The following NOTCH4 variants were observed in gnomAD, a reference collection of about 807,000 sequenced individuals.
NOTCH4 encodes notch receptor 4.
Under a neutral mutation model 189.0 loss-of-function variants are expected in NOTCH4, and 138 were observed. The ratio of observed to expected loss-of-function variants is 0.73; its 90% confidence interval spans 0.64 to 0.84. NOTCH4 has a LOEUF of 0.84. Among genes scored for constraint, NOTCH4 ranks in the 40% least tolerant of loss-of-function variants. The probability of loss-of-function intolerance (pLI) is 0.00; values close to 1 mark genes in which losing one functional copy is unlikely to be tolerated. For synonymous variants in NOTCH4, 942 were observed against 1,032.8 expected, an observed-to-expected ratio of 0.91 and a Z score of 1.69; for missense variants, 2,286 against 2,605.4, an observed-to-expected ratio of 0.88 and a Z score of 2.67.
Position 32,222,639 on chromosome 6 carries a change from C to G in NOTCH4, c.323G>C (p.Gly108Ala), listed in dbSNP as rs2127490821. 6.2e-7 allele frequency: 1 copy of G among 1,606,742 alleles called. No individual in the cohort carries two copies. Among genetic ancestry groups the G allele is most frequent in the Non-Finnish European group, 8.5e-7 (1 of 1,177,680 alleles). ...TPSFLCTCLP[G>A]FTGERCQAKL... ...GGCCTGGCATCTCTCACCAGTGAAG[C>G]CAGGGAGGCAAGTGCACAAGAAGCT... Residue 108 changes from glycine (G) to alanine (A), a missense_variant, in exon 3 of 30, where the codon GGC becomes GCC. Transcript: ENST00000375023.
chr6:32,202,223 C>A lies in NOTCH4; in HGVS notation c.3608G>T (p.Cys1203Phe), dbSNP rs1240663617. Residue 1203 changes from cysteine to phenylalanine, a missense_variant, in exon 21 of 30, where the codon TGC becomes TTC. Physicochemically the swap from Cys to Phe is radical, Grantham distance 205. This residue lies in a region of NOTCH4 where 1,903 missense variants were observed against 2,261.9 expected (regional missense o/e 0.84). Coordinates refer to ENST00000375023, the MANE Select transcript of NOTCH4 (RefSeq NM_004557.4). The surrounding 1 kb of genome is among the most constrained non-coding windows in gnomAD (Gnocchi z 5.7). ...CCAGGGGTCTGGGACTCCCAGAGAG[C>A]AGTCCCCTCCATCCCAGTTTCCTCC... ...GPGGNWDGGD[C>F]SLGVPDPWKG... 6.4e-7 allele frequency: 1 copy of A among 1,551,524 alleles called. No homozygotes were observed. Among genetic ancestry groups the A allele is most frequent in the Admixed American group, 1.9e-5 (1 of 52,020 alleles).
chr6:32,211,258 TCAAACAAACAAA>T (rs56957733), intron 17 of NOTCH4, among the ~76,000 whole-genome samples: 2 of 145,956 alleles, frequency 1.4e-5, no homozygotes, highest in Non-Finnish European at 3.0e-5. Flanking sequence ...AGACTCCATC[TCAAACAAACAAA>T]CAAACAAACA....
intron 1 of NOTCH4, 99 bp downstream of exon 1, chr6:32,223,757 A>G (rs1789945391): frequency 5.9e-6 from 7 of 1,194,740 alleles, no homozygotes; most frequent in Non-Finnish European, 7.1e-6. Context: ...TCCATCCAGC[A>G]TCCCTCACAC....
Position 32,210,973 on chromosome 6 carries a change from G to A in NOTCH4, c.2681-37C>T, listed in dbSNP as rs745360000. On this transcript the variant is annotated intron_variant, in intron 17 of 29. Coordinates refer to ENST00000375023, the MANE Select transcript of NOTCH4 (RefSeq NM_004557.4). The surrounding 1 kb of genome is among the most constrained non-coding windows in gnomAD (Gnocchi z 4.8). ...GACAAACAGGGATATACAAAGATAA[G>A]TGGGGGGCCGGGCGCCATGGCTTAC... 3.1e-5 allele frequency: 47 copies of A among 1,529,518 alleles called. No homozygotes were observed. Among genetic ancestry groups the A allele is most frequent in the Non-Finnish European group, 3.9e-5 (44 of 1,139,506 alleles). 94.7% of individuals were successfully genotyped at this position (1,529,518 alleles called of 1,614,324 possible).
chr6:32,211,751 A>G (rs1185923441), intron 17 of NOTCH4, among the ~76,000 whole-genome samples: 1 of 152,192 alleles, frequency 6.6e-6, no homozygotes. Context: ...TCTGGGCCCA[A>G]GGAGTTAATA....
In NOTCH4 at chr6:32,196,148, C is replaced by T. The variant is rs765689564; in HGVS notation, c.5301G>A (p.Glu1767=). The part of the protein sequence containing the change: ...GADKDAQDNR[E]QTPLFLAARE... ...GCGCCGCCAGGAATAGCGGCGTCTG[C>T]TCCTGTACAGAAGAGCCAGGGCCGA... Residue 1767 remains glutamate, a splice_region_variant and synonymous_variant, in exon 30 of 30, where the codon GAG becomes GAA. Transcript: ENST00000375023. The T allele has an allele frequency of 6.3e-7, 1 of 1,590,260 alleles. No homozygotes were observed. The highest frequency in any genetic ancestry group is 8.5e-7 in the Non-Finnish European group (1 of 1,174,568).
chr6:32,206,253 T>C (rs902428261), intron 18 of NOTCH4, among the ~76,000 whole-genome samples: 4 of 152,054 alleles, frequency 2.6e-5, no homozygotes, highest in Non-Finnish European at 5.9e-5. Flanking sequence ...GGCATCCAAA[T>C]TGCAAAAGAA....
chr6:32,208,048 A>T (rs1168434363), intron 18 of NOTCH4, among the ~76,000 whole-genome samples: 1 of 151,772 alleles, frequency 6.6e-6, no homozygotes, highest in South Asian at 2.1e-4. Flanking sequence ...GCTTCAAGAC[A>T]TTGGTCTGGG....
In NOTCH4 at chr6:32,195,850, C is replaced by A. The variant is rs1432740588; in HGVS notation, c.5599G>T (p.Gly1867Ter). ...GCTCCGCCCCCACGAGGGCCTGCTCCGGCTGACAGCGTCCGGCAGCGCGGC... is the reference window on the plus strand; with the variant it reads ...GCTCCGCCCCCACGAGGGCCTGCTCAGGCTGACAGCGTCCGGCAGCGCGGC... ...ALPRCRTLSA[G>*]AGPRGGGACL... The change falls in exon 30 of 30, where the codon GGA becomes TGA. Residue 1867 changes from glycine (G) to a stop codon, truncating the protein, a stop_gained. Coordinates refer to ENST00000375023, the MANE Select transcript of NOTCH4 (RefSeq NM_004557.4). LOFTEE classifies it low-confidence loss of function (END_TRUNC). This position sits in a 1 kb window ranked among gnomAD's most constrained non-coding sequence, Gnocchi z 5.4. 16 of 1,596,528 alleles carry A rather than the reference C, an allele frequency of 1.0e-5. No homozygotes were observed. The highest frequency in any genetic ancestry group is 1.4e-5 in the Non-Finnish European group (16 of 1,178,160).
In NOTCH4 at chr6:32,223,106, C is replaced by A. The variant is rs374636775; in HGVS notation, c.74-20G>T. On this transcript the variant is annotated intron_variant, in intron 1 of 29. Coordinates refer to ENST00000375023, the MANE Select transcript of NOTCH4 (RefSeq NM_004557.4). Reference sequence around the variant, plus strand: ...GCAGCCCTGAGGGTGGAGAGGCAGGCGCAATGGAAGCCCTGGGTGCTGTGC... The same window carrying A: ...GCAGCCCTGAGGGTGGAGAGGCAGGAGCAATGGAAGCCCTGGGTGCTGTGC... 20 of 1,600,176 alleles carry A rather than the reference C, an allele frequency of 1.2e-5. No individual in the cohort carries two copies. Among genetic ancestry groups the A allele is most frequent in the African/African-American group, 2.7e-5 (2 of 74,456 alleles).
rs527962523 is a variant in NOTCH4 at position 32,198,992 on chromosome 6, C to T, written c.4469G>A (p.Arg1490Gln). 4 of 1,611,298 alleles carry T rather than the reference C, an allele frequency of 2.5e-6. No homozygotes were observed. Among genetic ancestry groups the T allele is most frequent in the Admixed American group, 1.7e-5 (1 of 59,812 alleles). ...ALWLPPGFTR[R>Q]PRTQSAPHRR... ...GTGGGGAGCTGACTGAGTCCGAGGC[C>T]GTCGAGTGAAACCAGGGGGCAGCCA... The change falls in exon 24 of 30, where the codon CGG becomes CAG. Residue 1490 changes from arginine (R) to glutamine (Q), a missense_variant. Arg to Gln is a conservative substitution (Grantham distance 43, BLOSUM62 1). This residue lies in a region of NOTCH4 where 1,903 missense variants were observed against 2,261.9 expected (regional missense o/e 0.84). Transcript: ENST00000375023. The surrounding 1 kb of genome is among the most constrained non-coding windows in gnomAD (Gnocchi z 5.5).
chr6:32,207,014 C>T (rs1364761243), intron 18 of NOTCH4, among the ~76,000 whole-genome samples: 1 of 151,468 alleles, frequency 6.6e-6, no homozygotes, highest in Non-Finnish European at 1.5e-5. Flanking sequence ...ACTGCAACCT[C>T]CACCTCCTGG....
chr6:32,207,985 C>T (rs948894941), intron 18 of NOTCH4, among the ~76,000 whole-genome samples: 9 of 135,828 alleles, frequency 6.6e-5, no homozygotes, highest in Admixed American at 4.0e-4. Flanking sequence ...GCCCAGGCGA[C>T]GGTGCAAGAC....
Position 32,220,296 on chromosome 6 carries a change from A to G in NOTCH4, c.1160-12T>C. ...GTGGCACAGGAGTCCTGGAGGGGTA[A>G]GAGGGGGTGAGGCTCTCAAAGGCCA... On this transcript the variant is annotated splice_polypyrimidine_tract_variant and intron_variant, in intron 6 of 29. Coordinates refer to ENST00000375023, the MANE Select transcript of NOTCH4 (RefSeq NM_004557.4). 1 of 1,610,858 alleles carries G rather than the reference A, an allele frequency of 6.2e-7. No homozygotes were observed. Among genetic ancestry groups the G allele is most frequent in the Non-Finnish European group, 8.5e-7 (1 of 1,177,758 alleles).
intron 2 of NOTCH4, 53 bp from the exon 3 acceptor site, chr6:32,222,859 T>A: frequency 1.3e-6 from 2 of 1,596,486 alleles, no homozygotes; most frequent in Non-Finnish European, 1.7e-6. Flanking sequence ...TTCCTATTCT[T>A]GCCCACTCCC....
intron 18 of NOTCH4, among the ~76,000 whole-genome samples, 180 bp from the exon 19 acceptor site, chr6:32,204,569 A>C (rs112831495): frequency 5.9e-5 from 9 of 152,154 alleles, no homozygotes; most frequent in Non-Finnish European, 1.2e-4. Context: ...ATGAGACACA[A>C]TTGTTGGCGA....
Position 32,202,029 on chromosome 6 carries a change from C to A in NOTCH4, c.3755+47G>T, listed in dbSNP as rs765748905. Reference sequence around the variant, plus strand: ...AGCCATCTACGTCCTTCCTCCTCCTCTCACCCACCCCTCTCCTTCCCTGGC... The same window carrying A: ...AGCCATCTACGTCCTTCCTCCTCCTATCACCCACCCCTCTCCTTCCCTGGC... On this transcript the variant is annotated intron_variant, in intron 21 of 29. Coordinates refer to ENST00000375023, the MANE Select transcript of NOTCH4 (RefSeq NM_004557.4). The surrounding 1 kb of genome is among the most constrained non-coding windows in gnomAD (Gnocchi z 5.7). 3 of 1,423,280 alleles carry A rather than the reference C, an allele frequency of 2.1e-6. No individual in the cohort carries two copies. Among genetic ancestry groups the A allele is most frequent in the Non-Finnish European group, 2.8e-6 (3 of 1,080,992 alleles). The allele number at this position is 1,423,280 out of a possible 1,614,324, so 88.2% of individuals were successfully genotyped here.
chr6:32,211,258 T>TCAAACAAACAAACAAA (rs56957733), intron 17 of NOTCH4, among the ~76,000 whole-genome samples: 2 of 146,078 alleles, frequency 1.4e-5, no homozygotes, highest in African/African-American at 5.1e-5. Flanking sequence ...AGACTCCATC[T>TCAAACAAACAAACAAA]CAAACAAACA....
At position 32,195,250 on chromosome 6, in the gene NOTCH4, C is replaced by T; in HGVS notation, c.*187G>A. On this transcript the variant is annotated 3_prime_UTR_variant, in exon 30 of 30. Transcript: ENST00000375023. This position sits in a 1 kb window ranked among gnomAD's most constrained non-coding sequence, Gnocchi z 5.4. Reference sequence around the variant, plus strand: ...CCTGCCTCATCCTAGCATCTTAAACCCTCTTTCCAGAGCTGCAGCTTCTCC... The same window carrying T: ...CCTGCCTCATCCTAGCATCTTAAACTCTCTTTCCAGAGCTGCAGCTTCTCC... 1 of 614,284 alleles carries T rather than the reference C, an allele frequency of 1.6e-6. No individual in the cohort carries two copies. 38.1% of individuals were successfully genotyped at this position (614,284 alleles called of 1,614,324 possible).
Sources: gnomAD v4.1 joint callset for allele counts (sites outside exome capture counted in the v4.1 genomes callset) on GRCh38, gnomAD v4.1.1 for gene constraint, gnomAD v4.1.1 regional missense constraint, Gnocchi (gnomAD v3.1) non-coding constraint, MANE v1.5 for transcripts, NCBI Gene and HGNC (gene_info 2026-07-23, HGNC 2026-07-21) for gene names.